The following VIP variants were observed in gnomAD, a reference collection of about 807,000 sequenced individuals.
The protein encoded by VIP is vasoactive intestinal peptide, also known as VIP peptides.
A neutral mutation model predicts 20.1 loss-of-function variants in VIP; 18 were observed. The ratio of observed to expected loss-of-function variants is 0.90; its 90% CI spans 0.62 to 1.33. The LOEUF (loss-of-function observed/expected upper bound fraction) is 1.33. Among genes scored for constraint, VIP ranks in the 40% most tolerant of loss-of-function variants. The probability of loss-of-function intolerance (pLI) is 0.00; values close to 1 mark genes in which losing one functional copy is unlikely to be tolerated. For synonymous variants in VIP, 70 were observed against 68.1 expected, an observed-to-expected ratio of 1.03 and a Z score of -0.14; for missense variants, 209 against 199.4, an observed-to-expected ratio of 1.05 and a Z score of -0.29.
At position 152,759,286 on chromosome 6, in the gene VIP, T is replaced by C. The variant is rs2099730876; in HGVS notation, c.*420T>C. 6.6e-6 allele frequency: 1 copy of C among 151,984 alleles called. No individual in the cohort carries two copies. Among genetic ancestry groups the C allele is most frequent in the South Asian group, 2.1e-4 (1 of 4,830 alleles). 9.4% of individuals were successfully genotyped at this position (151,984 alleles called of 1,614,324 possible). A position where few individuals can be genotyped will look rare whatever the true frequency, so the allele number is the denominator to read the frequency against. ...CTATTCAGGAGAGTAGAACAGATAA[T>C]CAGTGTGTCTAAATTTGAATGTTAA... On this transcript the variant is annotated 3_prime_UTR_variant, in exon 7 of 7. Transcript: ENST00000367244.
Position 152,757,185 on chromosome 6 carries a change from G to A in VIP, c.*43+1G>A, listed in dbSNP as rs1203645075. The A allele has an allele frequency of 6.3e-7, 1 of 1,590,932 alleles. No individual in the cohort carries two copies. The highest frequency in any genetic ancestry group is 2.3e-5 in the East Asian group (1 of 44,442). ...CAAAGCTGATGACAACTTCCCAGTG[G>A]TGGGTATATTCGTGCATTCCTTCTG... On this transcript the variant is annotated splice_donor_variant, in intron 6 of 6. Transcript: ENST00000367244. LOFTEE classifies it low-confidence loss of function (3UTR_SPLICE).
chr6:152,755,283 C>G lies in VIP; in HGVS notation c.245C>G (p.Ala82Gly). 1 of 1,576,232 alleles carries G rather than the reference C, an allele frequency of 6.3e-7. No individual in the cohort carries two copies. The highest frequency in any genetic ancestry group is 8.6e-7 in the Non-Finnish European group (1 of 1,163,236). ...CCTTGTTTTAGAAATGCCAGGCATG[C>G]TGATGGAGTTTTCACCAGTGACTTC... ...YYDVSRNARHADGVFTSDFSK... is the reference protein window; with the variant it reads ...YYDVSRNARHGDGVFTSDFSK... The change falls in exon 4 of 7, where the codon GCT becomes GGT. Residue 82 changes from alanine (A) to glycine (G), a missense_variant. Transcript: ENST00000367244.
chr6:152,754,869 C>G (rs1458114840), intron 3 of VIP, among the ~76,000 whole-genome samples: 1 of 151,746 alleles, frequency 6.6e-6, no homozygotes, highest in East Asian at 1.9e-4. Context: ...TTTCCAAAAT[C>G]AGAATATTTT....
chr6:152,756,636 A>G (rs920358658), intron 5 of VIP, among the ~76,000 whole-genome samples: 3 of 152,002 alleles, frequency 2.0e-5, no homozygotes, highest in East Asian at 1.9e-4. Context: ...AGCATAGTCA[A>G]TTGCAATTTG....
Position 152,756,119 on chromosome 6 carries a change from C to T in VIP, c.336-15C>T, listed in dbSNP as rs2099730388. On this transcript the variant is annotated splice_polypyrimidine_tract_variant and intron_variant, in intron 4 of 6. Transcript: ENST00000367244. Reference sequence around the variant, plus strand: ...TGTGAAAACTCTTTGATTTCCTTTTCCTCATGTTCCTTAGCAGTAACATCT... The same window carrying T: ...TGTGAAAACTCTTTGATTTCCTTTTTCTCATGTTCCTTAGCAGTAACATCT... 2.0e-6 allele frequency: 3 copies of T among 1,515,934 alleles called. No individual in the cohort carries two copies. The highest frequency in any genetic ancestry group is 1.4e-5 in the African/African-American group (1 of 70,612). The allele number at this position is 1,515,934 out of a possible 1,614,324, so 93.9% of individuals were successfully genotyped here.
rs369638362 is a variant in VIP at position 152,757,165 on chromosome 6, C to T, written c.*24C>T. ...GATGAAAAAGACCTTTGGAGCAAAG[C>T]TGATGACAACTTCCCAGTGGTGGGT... On this transcript the variant is annotated 3_prime_UTR_variant, in exon 6 of 7. Coordinates refer to ENST00000367244, the MANE Select transcript of VIP (RefSeq NM_003381.4). The T allele has an allele frequency of 3.1e-6, 5 of 1,609,090 alleles. No individual in the cohort carries two copies. The African/African-American group carries it at 5.4e-5, about 17-fold the overall frequency.
At chr6:152,756,489 C>T (rs550242873) in intron 5 of VIP, among the ~76,000 whole-genome samples, 2 of 151,814 alleles carry the variant, frequency 1.3e-5, no homozygotes, top group South Asian at 2.1e-4. Context: ...GTGGTGTGGC[C>T]CTAGACATAC....
At chr6:152,754,969 A>G (rs554412764) in intron 3 of VIP, among the ~76,000 whole-genome samples, 2 of 152,116 alleles carry the variant, frequency 1.3e-5, no homozygotes, top group South Asian at 2.1e-4. Flanking sequence ...TTTTACACCA[A>G]TATTTCTTAG....
chr6:152,753,270 A>T (rs779991988), intron 2 of VIP, among the ~76,000 whole-genome samples: 7 of 152,142 alleles, frequency 4.6e-5, no homozygotes, highest in Non-Finnish European at 8.8e-5. Context: ...GCTAAGCTTC[A>T]GACCCACAGA....
chr6:152,758,738 C>T (rs998631828), intron 6 of VIP, among the ~76,000 whole-genome samples, 172 bp from the exon 7 acceptor site: 1 of 152,002 alleles, frequency 6.6e-6, no homozygotes, highest in South Asian at 2.1e-4. Context: ...GATAATCAGT[C>T]CTCTAGAAGC....
At position 152,756,160 on chromosome 6, in the gene VIP, C is replaced by T. The variant is rs773989358; in HGVS notation, c.362C>T (p.Pro121Leu). ...VSSNISEDPV[P>L]VKRHSDAVFT... is the part of the protein sequence containing the mutation. ...AGTAACATCTCAGAAGACCCTGTAC[C>T]AGTCAAACGTCACTCAGATGCAGTC... is the stretch of plus-strand genomic sequence containing the variant. The change falls in exon 5 of 7, where the codon CCA becomes CTA. Residue 121 changes from proline (P) to leucine (L), a missense_variant. Transcript: ENST00000367244. 1.2e-6 allele frequency: 2 copies of T among 1,610,234 alleles called. No homozygotes were observed. The highest frequency in any genetic ancestry group is 2.2e-5 in the South Asian group (2 of 90,452).
chr6:152,753,314 C>A (rs1583995418), intron 2 of VIP, among the ~76,000 whole-genome samples: 1 of 152,146 alleles, frequency 6.6e-6, no homozygotes. Context: ...ACTCCCAAAT[C>A]ACTGAAAGAT....
chr6:152,753,527 G>A (rs1370737363), intron 2 of VIP, among the ~76,000 whole-genome samples: 1 of 152,002 alleles, frequency 6.6e-6, no homozygotes, highest in Non-Finnish European at 1.5e-5. Flanking sequence ...TAATACATAA[G>A]ATTAGAAAAA....
At position 152,756,293 on chromosome 6, in the gene VIP, G is replaced by C. The variant is rs752898945; in HGVS notation, c.467+28G>C. 1.1e-5 allele frequency: 18 copies of C among 1,595,670 alleles called. No individual in the cohort carries two copies. In the Admixed American group the frequency reaches 2.6e-4, roughly 23 times the overall value. On this transcript the variant is annotated intron_variant, in intron 5 of 6. Coordinates refer to ENST00000367244, the MANE Select transcript of VIP (RefSeq NM_003381.4). ...AAAGAAAAAGAGAACTTGCTAAAATGAGGAATCATGACTGACTTTCAAAAT... is the reference window on the plus strand; with the variant it reads ...AAAGAAAAAGAGAACTTGCTAAAATCAGGAATCATGACTGACTTTCAAAAT...
At chr6:152,756,741 C>A (rs1258621982) in intron 5 of VIP, among the ~76,000 whole-genome samples, 1 of 151,858 alleles carries the variant, frequency 6.6e-6, no homozygotes, top group Non-Finnish European at 1.5e-5. Context: ...TCTGTAAAAT[C>A]TATATCTCTC....
rs1430858900 is a variant in VIP at position 152,759,233 on chromosome 6, G to C, written c.*367G>C. 1 of 151,942 alleles carries C rather than the reference G, an allele frequency of 6.6e-6. No homozygotes were observed. The highest frequency in any genetic ancestry group is 1.9e-4 in the East Asian group (1 of 5,176). 9.4% of individuals were successfully genotyped at this position (151,942 alleles called of 1,614,324 possible). A position where few individuals can be genotyped will look rare whatever the true frequency, so the allele number is the denominator to read the frequency against. On this transcript the variant is annotated 3_prime_UTR_variant, in exon 7 of 7. Coordinates refer to ENST00000367244, the MANE Select transcript of VIP (RefSeq NM_003381.4). ...GGAAGAGTAGTAATAGAGCAAAATT[G>C]ATGTGTTTATTTATAGAGTGTACTT...
chr6:152,759,349 C>G lies in VIP; in HGVS notation c.*483C>G, dbSNP rs2099730889. On this transcript the variant is annotated 3_prime_UTR_variant, in exon 7 of 7. Transcript: ENST00000367244. ...CTGTGTTAAATAAACCTCAAAATGT[C>G]TAAGATAGTAACAATGAAGATAAAA... is the stretch of plus-strand genomic sequence containing the variant. 1 of 151,760 alleles carries G rather than the reference C, an allele frequency of 6.6e-6. No homozygotes were observed. Among genetic ancestry groups the G allele is most frequent in the Non-Finnish European group, 1.5e-5 (1 of 67,912 alleles). The allele number at this position is 151,760 out of a possible 1,614,324, so 9.4% of individuals were successfully genotyped here.
At chr6:152,755,233 A>G in intron 3 of VIP, 36 bp from the exon 4 acceptor site, 2 of 1,385,180 alleles carry the variant, frequency 1.4e-6, no homozygotes, top group African/African-American at 1.5e-5. Flanking sequence ...AAAGCCATTT[A>G]CAAAATAATA....
In VIP at chr6:152,754,105, A is replaced by T. The variant is rs1233589498; in HGVS notation, c.108-61A>T. On this transcript the variant is annotated intron_variant, in intron 2 of 6. Coordinates refer to ENST00000367244, the MANE Select transcript of VIP (RefSeq NM_003381.4). ...AGTATCTTATTTTAAATGGTTGCGG[A>T]ACCATACACACTGTCTTCTGAAAAA... is the stretch of plus-strand genomic sequence containing the variant. The T allele has an allele frequency of 1.9e-6, 3 of 1,550,178 alleles. No individual in the cohort carries two copies. In the African/African-American group the frequency reaches 4.1e-5, roughly 21 times the overall value.
Sources: allele counts gnomAD v4.1 joint callset (sites outside exome capture counted in the v4.1 genomes callset), GRCh38; gene constraint gnomAD v4.1.1; transcripts MANE v1.5; gene names NCBI Gene and HGNC (gene_info 2026-07-23, HGNC 2026-07-21).